Variants in ONECUT3 observed in about 807,000 individuals in gnomAD.
ONECUT3 encodes one cut homeobox 3.
ONECUT3 carries 11 observed loss-of-function variants against 16.8 expected under a neutral mutation model. That is an observed-to-expected ratio of 0.66 (90% CI 0.41 to 1.09). The LOEUF (loss-of-function observed/expected upper bound fraction) is 1.09, where lower values mean the gene tolerates loss of function less well. Among genes scored for constraint, ONECUT3 ranks in the 50% least tolerant of loss-of-function variants. The pLI, the probability that ONECUT3 is intolerant of heterozygous loss-of-function variation, is 0.00. For missense variants in ONECUT3, 637 were observed against 629.9 expected (o/e 1.01, Z -0.12); for synonymous variants, 344 against 310.7 (o/e 1.11, Z -1.13).
chr19:1,760,164 G>A (rs1245550875), intron 1 of ONECUT3, among the ~76,000 whole-genome samples: 2 of 152,238 alleles, frequency 1.3e-5, no homozygotes, highest in African/African-American at 2.4e-5. Flanking sequence ...GCAAGCTGAG[G>A]CCGAAGAGAA....
chr19:1,767,902 C>T (rs565462002), intron 1 of ONECUT3, among the ~76,000 whole-genome samples: 2 of 152,250 alleles, frequency 1.3e-5, no homozygotes, highest in African/African-American at 2.4e-5. Flanking sequence ...TGATCTCCTC[C>T]CAGGGCCCCG....
At position 1,761,045 on chromosome 19, in the gene ONECUT3, CTTTTTTTTTTTTT is replaced by C. The variant is rs547570248; in HGVS notation, c.1192+6202_1192+6214del. Among the ~76,000 whole-genome samples, 3 of 84,036 alleles carry C rather than the reference CTTTTTTTTTTTTT, an allele frequency of 3.6e-5. No individual in the cohort carries two copies. In the East Asian group the frequency reaches 1.1e-3, roughly 31 times the overall value. The allele number at this position is 84,036 out of a possible 152,430, so 55.1% of individuals were successfully genotyped here. A position where few individuals can be genotyped will look rare whatever the true frequency, so the allele number is the denominator to read the frequency against. On this transcript the variant is annotated intron_variant, in intron 1 of 1. Transcript: ENST00000382349. ...ATGGCTTCCCAGCTCCATTCCTGCT[CTTTTTTTTTTTTT>C]TTTTTTTTTTGGAGATGGAGTTTTG...
chr19:1,771,233 G>T (rs2068051641), intron 1 of ONECUT3, among the ~76,000 whole-genome samples: 1 of 151,926 alleles, frequency 6.6e-6, no homozygotes, highest in African/African-American at 2.4e-5. Context: ...TGTCTTCCAG[G>T]GTCCCCCTCA....
In ONECUT3 at chr19:1,759,751, G is replaced by A. The variant is rs534318547; in HGVS notation, c.1192+4897G>A. ...AGTTTTCTTATCTGAGAAATGGGCA[G>A]AATGAAATGACGCCTAGGAGAGGGG... On this transcript the variant is annotated intron_variant, in intron 1 of 1. Transcript: ENST00000382349. The surrounding 1 kb of genome is among the most constrained non-coding windows in gnomAD (Gnocchi z 4.1). 6.6e-6 allele frequency among the ~76,000 whole-genome samples: 1 copy of A among 152,238 alleles called. No individual in the cohort carries two copies. The highest frequency in any genetic ancestry group is 2.1e-4 in the South Asian group (1 of 4,828).
At position 1,766,816 on chromosome 19, in the gene ONECUT3, C is replaced by T. The variant is rs538598039; in HGVS notation, c.1193-8337C>T. ...TTGCAGGCTGGGCTGAGACCCCCCC[C>T]CCATGCTCCACCACCCTCGTGTAGG... On this transcript the variant is annotated intron_variant, in intron 1 of 1. Transcript: ENST00000382349. This position sits in a 1 kb window ranked among gnomAD's most constrained non-coding sequence, Gnocchi z 4.0. 7.2e-5 allele frequency among the ~76,000 whole-genome samples: 11 copies of T among 152,230 alleles called. No homozygotes were observed. The highest frequency in any genetic ancestry group is 3.4e-3 in the Middle Eastern group (1 of 294).
chr19:1,757,061 G>T (rs2067919936), intron 1 of ONECUT3, among the ~76,000 whole-genome samples: 1 of 150,988 alleles, frequency 6.6e-6, no homozygotes, highest in Non-Finnish European at 1.5e-5. Flanking sequence ...TACTGGAATT[G>T]CAGATTTGGG....
chr19:1,767,464 G>T (rs1213012452), intron 1 of ONECUT3, among the ~76,000 whole-genome samples: 3 of 152,006 alleles, frequency 2.0e-5, no homozygotes, highest in Non-Finnish European at 4.4e-5. Context: ...GCAGGAAGTG[G>T]GATAGAGCTG....
intron 1 of ONECUT3, among the ~76,000 whole-genome samples, chr19:1,771,988 ATTATTTATTTAT>A (rs61311263): frequency 0.012 from 1,634 of 141,386 alleles, 10 homozygotes; most frequent in Non-Finnish European, 0.014. Flanking sequence ...CTATTTAGTT[ATTATTTATTTAT>A]TTATTTATTT....
chr19:1,763,089 T>C (rs2067955057), intron 1 of ONECUT3, among the ~76,000 whole-genome samples: 1 of 151,170 alleles, frequency 6.6e-6, no homozygotes, highest in Non-Finnish European at 1.5e-5. Flanking sequence ...TGTGGCCGGG[T>C]GCGGTGGCTC....
intron 1 of ONECUT3, among the ~76,000 whole-genome samples, chr19:1,763,595 C>T (rs1018267313): frequency 1.3e-5 from 2 of 151,928 alleles, no homozygotes; most frequent in African/African-American, 4.8e-5. Context: ...CAATAGTTAA[C>T]GCATTCGCCA....
At chr19:1,765,015 G>A (rs1452162093) in intron 1 of ONECUT3, among the ~76,000 whole-genome samples, 1 of 152,152 alleles carries the variant, frequency 6.6e-6, no homozygotes, top group African/African-American at 2.4e-5. Flanking sequence ...AGGACACAGG[G>A]AGGACGGGCA....
intron 1 of ONECUT3, among the ~76,000 whole-genome samples, chr19:1,769,195 G>A (rs1343255611): frequency 5.9e-5 from 9 of 151,694 alleles, no homozygotes; most frequent in Admixed American, 5.9e-4. Flanking sequence ...AGGTGATGGA[G>A]GTGGAGGTGG....
At position 1,764,269 on chromosome 19, in the gene ONECUT3, A is replaced by ACACCCCCG. The variant is rs2067965404; in HGVS notation, c.1192+9415_1192+9416insCACCCCCG. Among the ~76,000 whole-genome samples the ACACCCCCG allele has an allele frequency of 2.6e-5, 4 of 152,120 alleles. No homozygotes were observed. In the South Asian group the frequency reaches 6.2e-4, roughly 24 times the overall value. On this transcript the variant is annotated intron_variant, in intron 1 of 1. Transcript: ENST00000382349. This position sits in a 1 kb window ranked among gnomAD's most constrained non-coding sequence, Gnocchi z 5.0. ...GTGAGAGGTGCCCCCTGACACCCCCATGCCCCCACCCCATGGCGGCCCAGC... is the reference window on the plus strand; with the variant it reads ...GTGAGAGGTGCCCCCTGACACCCCCACACCCCCGTGCCCCCACCCCATGGCGGCCCAGC...
chr19:1,763,734 T>TTG lies in ONECUT3; in HGVS notation c.1192+8881_1192+8882insGT, dbSNP rs1555799411. Among the ~76,000 whole-genome samples, 11 of 141,680 alleles carry TTG rather than the reference T, an allele frequency of 7.8e-5. 1 individual carries two copies. Among genetic ancestry groups the TTG allele is most frequent in the Admixed American group, 4.1e-4 (6 of 14,528 alleles). 92.9% of individuals were successfully genotyped at this position (141,680 alleles called of 152,430 possible). ...AATTCTTTTTATTTCCCTTTTTTGTTTTTTTTTTTTTTTTAACAGAAAGGG... is the reference window on the plus strand; with the variant it reads ...AATTCTTTTTATTTCCCTTTTTTGTTTGTTTTTTTTTTTTTTAACAGAAAGGG... On this transcript the variant is annotated intron_variant, in intron 1 of 1. Coordinates refer to ENST00000382349, the MANE Select transcript of ONECUT3 (RefSeq NM_001080488.2).
At chr19:1,757,113 C>A (rs1006365075) in intron 1 of ONECUT3, among the ~76,000 whole-genome samples, 7 of 149,070 alleles carry the variant, frequency 4.7e-5, no homozygotes, top group African/African-American at 1.7e-4. Flanking sequence ...GAAGGGCAAA[C>A]CGCAGGCGAG....
At chr19:1,760,369 G>C (rs890493329) in intron 1 of ONECUT3, among the ~76,000 whole-genome samples, 2 of 151,846 alleles carry the variant, frequency 1.3e-5, no homozygotes, top group Admixed American at 6.6e-5. Context: ...GTGACGCTTC[G>C]GGACGAAGTC....
intron 1 of ONECUT3, 27 bp from the exon 2 acceptor site, chr19:1,775,126 G>GGGCCCCCCC: frequency 5.4e-4 from 618 of 1,142,912 alleles, no homozygotes; most frequent in Middle Eastern, 1.5e-3. Flanking sequence ...TGTCCCGCTC[G>GGGCCCCCCC]CCCGCCCGCC....
chr19:1,759,338 CT>C lies in ONECUT3; in HGVS notation c.1192+4485del, dbSNP rs1310671875. ...GCCCTCCCTCCCCGGCTTCTCCCCCCTACCCGCTGCCACCATCAAGGGCTGA... is the reference window on the plus strand; with the variant it reads ...GCCCTCCCTCCCCGGCTTCTCCCCCCACCCGCTGCCACCATCAAGGGCTGA... On this transcript the variant is annotated intron_variant, in intron 1 of 1. Coordinates refer to ENST00000382349, the MANE Select transcript of ONECUT3 (RefSeq NM_001080488.2). This position sits in a 1 kb window ranked among gnomAD's most constrained non-coding sequence, Gnocchi z 4.1. 1.3e-5 allele frequency among the ~76,000 whole-genome samples: 2 copies of C among 152,016 alleles called. No individual in the cohort carries two copies. Among genetic ancestry groups the C allele is most frequent in the Non-Finnish European group, 2.9e-5 (2 of 67,958 alleles).
Position 1,753,815 on chromosome 19 carries a change from G to C in ONECUT3, c.153G>C (p.Ala51=). 1.0e-6 allele frequency: 1 copy of C among 969,184 alleles called. No homozygotes were observed. Among genetic ancestry groups the C allele is most frequent in the South Asian group, 4.6e-5 (1 of 21,806 alleles). The allele number at this position is 969,184 out of a possible 1,614,324, so 60.0% of individuals were successfully genotyped here. ...GCCCGGGCCTGGTGGCCGGCATGGC[G>C]AGCCTGCTGGACGGCGGCGGCGGCG... ...PGRPGLVAGM[A]SLLDGGGGGG... The change falls in exon 1 of 2, where the codon GCG becomes GCC. Residue 51 remains alanine (A), a synonymous_variant. Transcript: ENST00000382349.
Sources: allele counts gnomAD v4.1 joint callset (sites outside exome capture counted in the v4.1 genomes callset), GRCh38; gene constraint gnomAD v4.1.1; non-coding constraint Gnocchi (gnomAD v3.1); transcripts MANE v1.5; gene names NCBI Gene and HGNC (gene_info 2026-07-23, HGNC 2026-07-21).